MGAM: variants seen among roughly 807,000 people sequenced by gnomAD.
MGAM encodes the protein maltase-glucoamylase.
MGAM carries 253 observed loss-of-function variants against 358.8 expected under a neutral mutation model. The ratio of observed to expected loss-of-function variants is 0.71; its 90% CI spans 0.64 to 0.78. The LOEUF (loss-of-function observed/expected upper bound fraction) is 0.78, where lower values mean the gene tolerates loss of function less well. MGAM is among the 30% of genes least tolerant of loss of function. The probability of loss-of-function intolerance (pLI) is 0.00; values close to 1 mark genes in which losing one functional copy is unlikely to be tolerated. For missense variants in MGAM, 3,080 were observed against 3,432.6 expected, an observed-to-expected ratio of 0.90 and a Z score of 2.57; for synonymous variants, 1,105 against 1,227.1, an observed-to-expected ratio of 0.90 and a Z score of 2.08.
intron 2 of MGAM, among the ~76,000 whole-genome samples, chr7:142,006,195 G>GA (rs1480347880): frequency 2.9e-4 from 44 of 151,796 alleles, no homozygotes; most frequent in African/African-American, 1.1e-3. Context: ...ATTATTAACT[G>GA]AAAAAAATGA....
chr7:142,026,036 A>G (rs1443924378), intron 8 of MGAM, among the ~76,000 whole-genome samples: 1 of 152,196 alleles, frequency 6.6e-6, no homozygotes, highest in African/African-American at 2.4e-5. Context: ...GGGAAAGGCC[A>G]CAAGATCCTA....
At position 142,021,841 on chromosome 7, in the gene MGAM, C is replaced by A. The variant is rs1411909837; in HGVS notation, c.710+104C>A. The A allele has an allele frequency of 4.0e-6, 5 of 1,236,676 alleles. No individual in the cohort carries two copies. The Middle Eastern group carries it at 6.0e-4, about 149-fold the overall frequency. 76.6% of individuals were successfully genotyped at this position (1,236,676 alleles called of 1,614,324 possible). ...CAACAATATTCCTGAAGGTTGTGGG[C>A]CCATTATTGGTGACCAGAACCTTTA... On this transcript the variant is annotated intron_variant, in intron 6 of 70. Transcript: ENST00000475668.
intron 21 of MGAM, among the ~76,000 whole-genome samples, chr7:142,045,790 T>A (rs1584999727): frequency 8.0e-6 from 1 of 124,876 alleles, no homozygotes; most frequent in African/African-American, 3.2e-5. Flanking sequence ...ATAATATACA[T>A]ATCGTATATA....
intron 68 of MGAM, 136 bp from the exon 69 acceptor site, chr7:142,102,494 A>T (rs537318037): frequency 1.3e-5 from 11 of 820,904 alleles, no homozygotes; most frequent in Middle Eastern, 2.9e-4. Flanking sequence ...CACTCAAAAG[A>T]CAGAAATAAA....
intron 66 of MGAM, among the ~76,000 whole-genome samples, chr7:142,098,897 G>A (rs1816192905): frequency 6.6e-6 from 1 of 152,226 alleles, no homozygotes. Flanking sequence ...ATGAAGAAGT[G>A]TCACCTTAAT....
At position 142,071,262 on chromosome 7, in the gene MGAM, G is replaced by T. The variant is rs1294347829; in HGVS notation, c.5186+144G>T. On this transcript the variant is annotated intron_variant, in intron 44 of 70. Coordinates refer to ENST00000475668, the MANE Select transcript of MGAM (RefSeq NM_001365693.1). ...TTTTTCTTTGTTTTGTTGTTTGTGT[G>T]TTAATCTTTTTCAGACTCTATACTT... 1.7e-5 allele frequency: 19 copies of T among 1,109,100 alleles called. 1 individual carries two copies. Among genetic ancestry groups the T allele is most frequent in the Middle Eastern group, 2.9e-4 (1 of 3,464 alleles). 68.7% of individuals were successfully genotyped at this position (1,109,100 alleles called of 1,614,324 possible).
chr7:142,092,464 A>G lies in MGAM; in HGVS notation c.6946-57A>G. The G allele has an allele frequency of 1.4e-6, 2 of 1,417,526 alleles. 1 individual carries two copies. Among genetic ancestry groups the G allele is most frequent in the Admixed American group, 3.9e-5 (2 of 50,744 alleles). 87.8% of individuals were successfully genotyped at this position (1,417,526 alleles called of 1,614,324 possible). A position where few individuals can be genotyped will look rare whatever the true frequency, so the allele number is the denominator to read the frequency against. ...GTATTCACTGCTTCCTTGGCTCAGA[A>G]TTGGCAGGACGTAATTATCTTAAAA... On this transcript the variant is annotated intron_variant, in intron 58 of 70. Transcript: ENST00000475668.
intron 1 of MGAM, among the ~76,000 whole-genome samples, chr7:142,000,288 C>G (rs1804630683): frequency 6.6e-6 from 1 of 152,178 alleles, no homozygotes; most frequent in Admixed American, 6.5e-5. Context: ...TAGAGGCTTG[C>G]TTTCAAGGGA....
intron 49 of MGAM, 65 bp from the exon 50 acceptor site, chr7:142,080,726 G>T: frequency 7.4e-7 from 1 of 1,352,644 alleles, no homozygotes; most frequent in Non-Finnish European, 1.0e-6. Context: ...AATCAAAAAG[G>T]TTCTGCTAAG....
At position 142,024,376 on chromosome 7, in the gene MGAM, T is replaced by C. The variant is rs1806756410; in HGVS notation, c.883-674T>C. ...TTACCGTGAGCCAAGATCACACTAC[T>C]GCACTCCAGTCTGGGCGACAGAGTG... On this transcript the variant is annotated intron_variant, in intron 7 of 70. Transcript: ENST00000475668. 1.3e-5 allele frequency among the ~76,000 whole-genome samples: 2 copies of C among 149,940 alleles called. 1 individual carries two copies. The highest frequency in any genetic ancestry group is 4.2e-4 in the South Asian group (2 of 4,764).
chr7:142,041,910 TATATACGTATAATATATAA>T (rs1808658168), intron 21 of MGAM, among the ~76,000 whole-genome samples: 1 of 69,274 alleles, frequency 1.4e-5, no homozygotes, highest in African/African-American at 1.1e-4. Flanking sequence ...ATATATTATA[TATATACGTATAATATATAA>T]TATATATATT....
intron 19 of MGAM, among the ~76,000 whole-genome samples, chr7:142,039,133 T>G (rs1584962779): frequency 8.0e-6 from 1 of 124,734 alleles, no homozygotes; most frequent in Non-Finnish European, 1.6e-5. Flanking sequence ...TGAGATGGAG[T>G]CTCACTCTGT....
chr7:142,027,341 A>G (rs2129000760), intron 9 of MGAM, 114 bp downstream of exon 9: 1 of 878,366 alleles, frequency 1.1e-6, no homozygotes, highest in Non-Finnish European at 1.8e-6. Flanking sequence ...CAAATTTGAG[A>G]TATTAAAGAA....
At chr7:142,060,073 T>C (rs1811980094) in intron 33 of MGAM, 107 bp downstream of exon 33, 1 of 1,339,870 alleles carries the variant, frequency 7.5e-7, no homozygotes, top group Non-Finnish European at 1.0e-6. Context: ...TTTGGCCTTT[T>C]CTATTTGGGC....
chr7:142,045,200 TATTATATA>T (rs1563156714), intron 21 of MGAM, among the ~76,000 whole-genome samples: 3 of 64,858 alleles, frequency 4.6e-5, no homozygotes, highest in East Asian at 3.5e-4. Context: ...ATATAATATA[TATTATATA>T]ACATATATGT....
In MGAM at chr7:142,099,690, G is replaced by T. The variant is rs1816278811; in HGVS notation, c.7827G>T (p.Gly2609=). The T allele has an allele frequency of 6.2e-7, 1 of 1,613,842 alleles. No individual in the cohort carries two copies. Among genetic ancestry groups the T allele is most frequent in the Admixed American group, 1.7e-5 (1 of 60,006 alleles). ...PLDHINLHVR[G]GYILPWQEPA... ...ACCACATTAATCTTCATGTCCGTGGGGGCTACATCCTGCCCTGGCAAGAGC... is the reference window on the plus strand; with the variant it reads ...ACCACATTAATCTTCATGTCCGTGGTGGCTACATCCTGCCCTGGCAAGAGC... The change falls in exon 67 of 71, where the codon GGG becomes GGT. Residue 2609 remains glycine (G), a synonymous_variant. Coordinates refer to ENST00000475668, the MANE Select transcript of MGAM (RefSeq NM_001365693.1).
rs1808458608 is a variant in MGAM at position 142,040,857 on chromosome 7, G to A, written c.2498+11G>A. ...AACCACTCTGGCCAGGTATAGCATGGCTGGAGTGTCCTTTCAGAATTCATG... is the reference window on the plus strand; with the variant it reads ...AACCACTCTGGCCAGGTATAGCATGACTGGAGTGTCCTTTCAGAATTCATG... On this transcript the variant is annotated intron_variant, in intron 21 of 70. Coordinates refer to ENST00000475668, the MANE Select transcript of MGAM (RefSeq NM_001365693.1). 6.3e-7 allele frequency: 1 copy of A among 1,591,236 alleles called. No individual in the cohort carries two copies. The highest frequency in any genetic ancestry group is 1.4e-5 in the African/African-American group (1 of 73,188).
Position 142,058,320 on chromosome 7 carries a change from A to G in MGAM, c.3811A>G (p.Ile1271Val), listed in dbSNP as rs1811759030. The change falls in exon 31 of 71, where the codon ATC (isoleucine) becomes GTC (valine). Residue 1271 changes from isoleucine (I) to valine (V), a missense_variant. By Grantham distance (29) the Ile-to-Val change is conservative (BLOSUM62 3). Around this residue, in one of 5 missense-constraint regions of MGAM, gnomAD observed 1,816 missense variants for 1,840.5 expected, o/e 0.99. Transcript: ENST00000475668. ...SLYDEMVAAQ[I>V]PYDVQYSDID... Reference sequence around the variant, plus strand: ...GTATGATGAGATGGTGGCTGCCCAGATCCCTTATGTACGTTCTCAGTCATG... The same window carrying G: ...GTATGATGAGATGGTGGCTGCCCAGGTCCCTTATGTACGTTCTCAGTCATG... The G allele has an allele frequency of 6.2e-7, 1 of 1,613,890 alleles. No homozygotes were observed.
rs781079508 is a variant in MGAM at position 142,097,658 on chromosome 7, T to C, written c.7749+9T>C. The C allele has an allele frequency of 9.4e-6, 15 of 1,597,768 alleles. No individual in the cohort carries two copies. In the East Asian group the frequency reaches 3.3e-4, roughly 36 times the overall value. Reference sequence around the variant, plus strand: ...GGTATGATTACTACACGGTAAGTTTTTCTGAATGTTTATACAACACGGGAA... The same window carrying C: ...GGTATGATTACTACACGGTAAGTTTCTCTGAATGTTTATACAACACGGGAA... On this transcript the variant is annotated intron_variant, in intron 66 of 70. Coordinates refer to ENST00000475668, the MANE Select transcript of MGAM (RefSeq NM_001365693.1).
Sources: gnomAD v4.1 joint callset for allele counts (sites outside exome capture counted in the v4.1 genomes callset) on GRCh38, gnomAD v4.1.1 for gene constraint, gnomAD v4.1.1 regional missense constraint, MANE v1.5 for transcripts, NCBI Gene and HGNC (gene_info 2026-07-23, HGNC 2026-07-21) for gene names.